Variants in RUNDC3B observed in about 807,000 individuals in gnomAD.
The protein encoded by RUNDC3B is RUN domain containing 3B.
RUNDC3B carries 33 observed loss-of-function variants against 58.4 expected under a neutral mutation model. That is an observed-to-expected ratio of 0.56 (90% CI 0.43 to 0.75). RUNDC3B has a LOEUF of 0.75. Ranked by LOEUF, RUNDC3B falls within the 30% of genes least tolerant of loss-of-function variation. RUNDC3B has a pLI of 0.00. For synonymous variants in RUNDC3B, 193 were observed against 195.2 expected (o/e 0.99, Z 0.10); for missense variants, 501 against 535.7 (o/e 0.94, Z 0.64).
intron 4 of RUNDC3B, among the ~76,000 whole-genome samples, chr7:87,732,852 C>T (rs1185746531): frequency 6.6e-6 from 1 of 152,092 alleles, no homozygotes; most frequent in Non-Finnish European, 1.5e-5. Flanking sequence ...GTACAGTATA[C>T]AGAGATAAGA....
intron 4 of RUNDC3B, among the ~76,000 whole-genome samples, chr7:87,723,509 C>T (rs555846330): frequency 1.3e-5 from 2 of 152,244 alleles, no homozygotes; most frequent in Admixed American, 6.5e-5. Flanking sequence ...CAAATGTTCA[C>T]AGCCTACAGA....
chr7:87,775,339 AG>A (rs1306093131), intron 7 of RUNDC3B, among the ~76,000 whole-genome samples: 1 of 152,236 alleles, frequency 6.6e-6, no homozygotes, highest in African/African-American at 2.4e-5. Flanking sequence ...ATAGAAAAAA[AG>A]CTTATAGAAT....
chr7:87,825,063 CAA>C (rs199925505), intron 10 of RUNDC3B, among the ~76,000 whole-genome samples: 1 of 150,456 alleles, frequency 6.6e-6, no homozygotes, highest in Non-Finnish European at 1.5e-5. Flanking sequence ...ACTAAAAATA[CAA>C]AAAAAAATTA....
At chr7:87,638,425 CTT>C (rs1436227921) in intron 1 of RUNDC3B, among the ~76,000 whole-genome samples, 1 of 150,396 alleles carries the variant, frequency 6.6e-6, no homozygotes, top group Non-Finnish European at 1.5e-5. Context: ...ACTGATATTT[CTT>C]TCTTAAACAT....
At position 87,831,419 on chromosome 7, in the gene RUNDC3B, TAAG is replaced by T. The variant is rs1489496019; in HGVS notation, c.*1390_*1392del. 6.6e-6 allele frequency: 1 copy of T among 151,842 alleles called. No homozygotes were observed. The highest frequency in any genetic ancestry group is 1.5e-5 in the Non-Finnish European group (1 of 67,846). 9.4% of individuals were successfully genotyped at this position (151,842 alleles called of 1,614,324 possible). ...TCTCATAATTTGGAATTTAAGATAA[TAAG>T]TAGTAACAAGGCAAGTCTTTTATGT... On this transcript the variant is annotated 3_prime_UTR_variant, in exon 11 of 11. Coordinates refer to ENST00000394654, the MANE Select transcript of RUNDC3B (RefSeq NM_001134405.2).
At chr7:87,669,055 G>C (rs1825565336) in intron 2 of RUNDC3B, among the ~76,000 whole-genome samples, 1 of 152,038 alleles carries the variant, frequency 6.6e-6, no homozygotes, top group African/African-American at 2.4e-5. Flanking sequence ...TCAATGATCT[G>C]TTTAATACTG....
At chr7:87,718,638 G>A (rs1161360247) in intron 4 of RUNDC3B, among the ~76,000 whole-genome samples, 1 of 152,056 alleles carries the variant, frequency 6.6e-6, no homozygotes, top group African/African-American at 2.4e-5. Context: ...AAGATGGAAA[G>A]TCCTTTACAA....
At chr7:87,792,195 G>C (rs1835559443) in intron 8 of RUNDC3B, among the ~76,000 whole-genome samples, 1 of 152,058 alleles carries the variant, frequency 6.6e-6, no homozygotes, top group South Asian at 2.1e-4. Flanking sequence ...GCCAACACTG[G>C]AGCACTCAGA....
At chr7:87,751,720 T>A (rs994198197) in intron 6 of RUNDC3B, among the ~76,000 whole-genome samples, 15 of 152,162 alleles carry the variant, frequency 9.9e-5, no homozygotes, top group African/African-American at 3.6e-4. Context: ...TTTTTGTACA[T>A]TGATTTTGTA....
chr7:87,750,768 T>C (rs1832930118), intron 6 of RUNDC3B, among the ~76,000 whole-genome samples: 1 of 151,138 alleles, frequency 6.6e-6, no homozygotes, highest in South Asian at 2.1e-4. Context: ...CATTGTAGAT[T>C]CTGGATATTA....
At chr7:87,631,296 A>G (rs561267137) in intron 1 of RUNDC3B, among the ~76,000 whole-genome samples, 1 of 152,374 alleles carries the variant, frequency 6.6e-6, no homozygotes, top group East Asian at 1.9e-4. Context: ...AAAAATGAAT[A>G]AAGCAGTATT....
At chr7:87,720,371 G>A (rs1256473921) in intron 4 of RUNDC3B, among the ~76,000 whole-genome samples, 1 of 152,000 alleles carries the variant, frequency 6.6e-6, no homozygotes, top group African/African-American at 2.4e-5. Flanking sequence ...TCTTTGGTGA[G>A]GATATGTGGA....
chr7:87,717,522 A>G (rs1830627502), intron 4 of RUNDC3B, among the ~76,000 whole-genome samples: 1 of 152,080 alleles, frequency 6.6e-6, no homozygotes, highest in African/African-American at 2.4e-5. Context: ...GGAAGTAACC[A>G]TTGACATGAC....
chr7:87,644,349 G>A (rs998010439), intron 1 of RUNDC3B, among the ~76,000 whole-genome samples: 5 of 152,204 alleles, frequency 3.3e-5, no homozygotes, highest in African/African-American at 1.2e-4. Context: ...CATTGATGCT[G>A]ACTGTTATTT....
chr7:87,700,501 A>C lies in RUNDC3B; in HGVS notation c.319A>C (p.Asn107His). ...IRVACRKVSQ[N>H]CICSIENMEN... ...AGTGGCTTGCCGGAAAGTTTCACAG[A>C]ATTGTATCTGCAGCATTGAAAATAT... Residue 107 changes from asparagine (N) to histidine (H), a missense_variant, in exon 3 of 11, where the codon AAT (asparagine) becomes CAT (histidine). Asn to His is a moderately conservative substitution (Grantham distance 68). Coordinates refer to ENST00000394654, the MANE Select transcript of RUNDC3B (RefSeq NM_001134405.2). 6.2e-7 allele frequency: 1 copy of C among 1,613,626 alleles called. No homozygotes were observed. The highest frequency in any genetic ancestry group is 8.5e-7 in the Non-Finnish European group (1 of 1,179,754).
intron 7 of RUNDC3B, among the ~76,000 whole-genome samples, chr7:87,771,428 A>G (rs1584162912): frequency 6.6e-6 from 1 of 152,176 alleles, no homozygotes; most frequent in African/African-American, 2.4e-5. Context: ...ATAGCTATAA[A>G]CATTTGCATA....
intron 7 of RUNDC3B, 72 bp downstream of exon 7, chr7:87,770,821 T>C: frequency 5.0e-6 from 5 of 1,001,426 alleles, no homozygotes; most frequent in Non-Finnish European, 7.4e-6. Flanking sequence ...TGCCAAAATA[T>C]TTTTTAACTG....
At chr7:87,775,502 AT>A (rs1834571648) in intron 7 of RUNDC3B, among the ~76,000 whole-genome samples, 1 of 152,220 alleles carries the variant, frequency 6.6e-6, no homozygotes, top group Non-Finnish European at 1.5e-5. Flanking sequence ...AAGAAAACTT[AT>A]AAAAATAAAT....
intron 1 of RUNDC3B, among the ~76,000 whole-genome samples, chr7:87,646,096 G>A (rs368015099): frequency 2.0e-5 from 3 of 152,226 alleles, no homozygotes. Context: ...TTTTTAGTTA[G>A]CTGTTGAGTT....
Sources: gnomAD v4.1 joint callset for allele counts (sites outside exome capture counted in the v4.1 genomes callset) on GRCh38, gnomAD v4.1.1 for gene constraint, MANE v1.5 for transcripts, NCBI Gene and HGNC (gene_info 2026-07-23, HGNC 2026-07-21) for gene names.